FNBP4: variants seen among roughly 807,000 people sequenced by gnomAD.
FNBP4 encodes formin-binding protein 4.
Under a neutral mutation model 119.3 loss-of-function variants are expected in FNBP4, and 34 were observed. That is an observed-to-expected ratio of 0.28 (90% CI 0.22 to 0.38). The LOEUF (loss-of-function observed/expected upper bound fraction) is 0.38. Among genes scored for constraint, FNBP4 ranks in the 10% least tolerant of loss-of-function variants. The pLI, the probability that FNBP4 is intolerant of heterozygous loss-of-function variation, is 1.00. For synonymous variants in FNBP4, 462 were observed against 430.6 expected (o/e 1.07, Z -0.90); for missense variants, 1,112 against 1,228.9 (o/e 0.90, Z 1.42).
At chr11:47,754,971 A>G (rs1409287790) in intron 2 of FNBP4, among the ~76,000 whole-genome samples, 1 of 150,652 alleles carries the variant, frequency 6.6e-6, no homozygotes, top group African/African-American at 2.4e-5. Context: ...GTGAAACCCC[A>G]TCTCTATTAA....
rs1428150563 is a variant in FNBP4 at position 47,741,385 on chromosome 11, G to A, written c.1456+2568C>T. ...GTGTCTTGCTATATTGTCCAGGCTG[G>A]TCTTGACTCCTGGCCTCAAATGATC... On this transcript the variant is annotated intron_variant, in intron 8 of 16. Coordinates refer to ENST00000263773, the MANE Select transcript of FNBP4 (RefSeq NM_015308.5). 1.3e-5 allele frequency among the ~76,000 whole-genome samples: 2 copies of A among 151,762 alleles called. 1 individual carries two copies. Among genetic ancestry groups the A allele is most frequent in the African/African-American group, 4.9e-5 (2 of 41,130 alleles).
At position 47,732,044 on chromosome 11, in the gene FNBP4, A is replaced by C. The variant is rs2097568080; in HGVS notation, c.1821-483T>G. 1 of 991,872 alleles carries C rather than the reference A, an allele frequency of 1.0e-6. No individual in the cohort carries two copies. Among genetic ancestry groups the C allele is most frequent in the African/African-American group, 1.7e-5 (1 of 57,456 alleles). 61.4% of individuals were successfully genotyped at this position (991,872 alleles called of 1,614,324 possible). A position where few individuals can be genotyped will look rare whatever the true frequency, so the allele number is the denominator to read the frequency against. On this transcript the variant is annotated intron_variant, in intron 11 of 16. Coordinates refer to ENST00000263773, the MANE Select transcript of FNBP4 (RefSeq NM_015308.5). This position sits in a 1 kb window ranked among gnomAD's most constrained non-coding sequence, Gnocchi z 4.2. ...AGAGGATCTGGGAGCTGAAAAATAA[A>C]AGAGCAAAGATTTCAAATAACGAAA...
intron 12 of FNBP4, chr11:47,729,355 C>T (rs1318582950): frequency 2.0e-6 from 2 of 985,258 alleles, no homozygotes; most frequent in Non-Finnish European, 2.4e-6. Context: ...TGTTGGATAT[C>T]TTGAACCCAA....
At position 47,751,152 on chromosome 11, in the gene FNBP4, T is replaced by C; in HGVS notation, c.776A>G (p.Tyr259Cys). 2 of 1,614,192 alleles carry C rather than the reference T, an allele frequency of 1.2e-6. No homozygotes were observed. Among genetic ancestry groups the C allele is most frequent in the Non-Finnish European group, 8.5e-7 (1 of 1,180,046 alleles). Residue 259 changes from tyrosine to cysteine, a missense_variant, in exon 5 of 17, where the codon TAC (tyrosine) becomes TGC (cysteine). Physicochemically the swap from Tyr to Cys is radical, Grantham distance 194 (BLOSUM62 -2). Around this residue, in one of 2 missense-constraint regions of FNBP4, gnomAD observed 826 missense variants for 988.8 expected, o/e 0.84. Transcript: ENST00000263773. ...LATQVQGLQHYQPSSVPGAET... is the reference protein window; with the variant it reads ...LATQVQGLQHCQPSSVPGAET... ...TTAAATTTATTCTTACCTGGGCTGG[T>C]AATGCTGTAATCCCTGTACCTGTGT...
intron 8 of FNBP4, among the ~76,000 whole-genome samples, chr11:47,742,477 CAAAAAAAAAA>C (rs568784009): frequency 0.023 from 555 of 23,742 alleles, 11 homozygotes; most frequent in African/African-American, 0.082. Flanking sequence ...GACTCCGTCT[CAAAAAAAAAA>C]AAAAAAAAAA....
At chr11:47,744,681 T>A (rs1265196456) in intron 7 of FNBP4, among the ~76,000 whole-genome samples, 1 of 152,218 alleles carries the variant, frequency 6.6e-6, no homozygotes. Context: ...AATAAGCACA[T>A]CATGGAGAAT....
At chr11:47,723,487 G>A (rs963054744) in intron 14 of FNBP4, among the ~76,000 whole-genome samples, 171 bp from the exon 15 acceptor site, 1 of 152,144 alleles carries the variant, frequency 6.6e-6, no homozygotes, top group Non-Finnish European at 1.5e-5. Flanking sequence ...TGAATACCTT[G>A]GCATTAAACT....
rs529382383 is a variant in FNBP4 at position 47,724,917 on chromosome 11, T to C, written c.2009-139A>G. The C allele has an allele frequency of 4.5e-5, 58 of 1,277,226 alleles. 1 individual carries two copies. The Middle Eastern group carries it at 1.4e-3, about 31-fold the overall frequency. The allele number at this position is 1,277,226 out of a possible 1,614,324, so 79.1% of individuals were successfully genotyped here. ...GTACAAAACAATACAGAATGTGGTG[T>C]CAAACAGCAGGGAATGGCTCCTTCC... On this transcript the variant is annotated intron_variant, in intron 12 of 16. Coordinates refer to ENST00000263773, the MANE Select transcript of FNBP4 (RefSeq NM_015308.5).
intron 2 of FNBP4, among the ~76,000 whole-genome samples, chr11:47,758,503 C>A (rs909420604): frequency 2.6e-5 from 4 of 152,050 alleles, no homozygotes; most frequent in African/African-American, 7.2e-5. Context: ...CGTCTGACCA[C>A]AAAATATAGG....
chr11:47,744,337 G>C (rs979187906), intron 7 of FNBP4, among the ~76,000 whole-genome samples, 174 bp from the exon 8 acceptor site: 3 of 151,876 alleles, frequency 2.0e-5, no homozygotes, highest in Non-Finnish European at 4.4e-5. Flanking sequence ...GCAGTGGCAT[G>C]ATCATGGCTC....
chr11:47,724,913 G>A (rs1177472024), intron 12 of FNBP4, 135 bp from the exon 13 acceptor site: 1 of 1,288,184 alleles, frequency 7.8e-7, no homozygotes, highest in Non-Finnish European at 1.0e-6. Flanking sequence ...TACAGAATGT[G>A]GTGTCAAACA....
At chr11:47,718,905 G>GTTTTTTGTTTTT (rs753039918) in intron 16 of FNBP4, among the ~76,000 whole-genome samples, 41 of 130,344 alleles carry the variant, frequency 3.1e-4, no homozygotes, top group African/African-American at 1.1e-3. Flanking sequence ...CACCCAACAT[G>GTTTTTTGTTTTT]TTTTTTTTTT....
At chr11:47,734,347 A>AT (rs1211350030) in intron 9 of FNBP4, among the ~76,000 whole-genome samples, 1 of 152,228 alleles carries the variant, frequency 6.6e-6, no homozygotes, top group African/African-American at 2.4e-5. Flanking sequence ...AATCAAATGC[A>AT]TATCTACATA....
chr11:47,720,569 A>AAAGT (rs142290756), intron 15 of FNBP4, among the ~76,000 whole-genome samples: 17 of 149,084 alleles, frequency 1.1e-4, no homozygotes, highest in African/African-American at 4.2e-4. Context: ...CCGTCTCAAA[A>AAAGT]AAATAAATAA....
chr11:47,750,773 C>A, intron 6 of FNBP4, 143 bp downstream of exon 6: 1 of 638,146 alleles, frequency 1.6e-6, no homozygotes. Context: ...CTACATAATA[C>A]ACAGAAACAA....
At position 47,738,847 on chromosome 11, in the gene FNBP4, A is replaced by ATTTTTTTTT. The variant is rs71045510; in HGVS notation, c.1457-2116_1457-2108dup. ...AGGTGTTTGCCACCATGCCCAGGTAATTTTTTTTTTTTTTTTTTTTTTTTT... is the reference window on the plus strand; with the variant it reads ...AGGTGTTTGCCACCATGCCCAGGTAATTTTTTTTTTTTTTTTTTTTTTTTTTTTTTTTTT... On this transcript the variant is annotated intron_variant, in intron 8 of 16. Coordinates refer to ENST00000263773, the MANE Select transcript of FNBP4 (RefSeq NM_015308.5). 2.9e-3 allele frequency among the ~76,000 whole-genome samples: 327 copies of ATTTTTTTTT among 110,906 alleles called. 43 individuals carry two copies. Among genetic ancestry groups the ATTTTTTTTT allele is most frequent in the East Asian group, 0.023 (80 of 3,522 alleles). 72.8% of individuals were successfully genotyped at this position (110,906 alleles called of 152,430 possible).
At chr11:47,765,394 G>GAAAAGAAAAGAAAAC in intron 1 of FNBP4, 32 bp from the exon 2 acceptor site, 1 of 1,339,440 alleles carries the variant, frequency 7.5e-7, no homozygotes. Context: ...GAAAAGAAAA[G>GAAAAGAAAAGAAAAC]AAAAGAAAAG....
chr11:47,742,477 CAAAAAAAAAAAAAAA>C (rs568784009), intron 8 of FNBP4, among the ~76,000 whole-genome samples: 2 of 23,750 alleles, frequency 8.4e-5, no homozygotes, highest in Non-Finnish European at 1.5e-4. Context: ...GACTCCGTCT[CAAAAAAAAAAAAAAA>C]AAAAAAAAAA....
rs1401279662 is a variant in FNBP4 at position 47,767,167 on chromosome 11, G to A, written c.122C>T (p.Ser41Leu). 6.4e-7 allele frequency: 1 copy of A among 1,552,962 alleles called. No individual in the cohort carries two copies. The highest frequency in any genetic ancestry group is 8.7e-7 in the Non-Finnish European group (1 of 1,154,412). Residue 41 changes from serine to leucine, a missense_variant, in exon 1 of 17, where the codon TCA (serine) becomes TTA (leucine). Physicochemically the swap from Ser to Leu is moderately radical, Grantham distance 145. This residue lies in a region of FNBP4 where 286 missense variants were observed against 240.1 expected (regional missense o/e 1.19). Transcript: ENST00000263773. ...GGGCTGGCTGGGGACCGCCGCGGTTGAGTCCGGCTCAGTGTCGGGTTCCGG... is the reference window on the plus strand; with the variant it reads ...GGGCTGGCTGGGGACCGCCGCGGTTAAGTCCGGCTCAGTGTCGGGTTCCGG... ...PEPEPDTEPD[S>L]TAAVPSQPAP...
Sources: allele counts gnomAD v4.1 joint callset (sites outside exome capture counted in the v4.1 genomes callset), GRCh38; gene constraint gnomAD v4.1.1; regional missense constraint gnomAD v4.1.1; non-coding constraint Gnocchi (gnomAD v3.1); transcripts MANE v1.5; gene names NCBI Gene and HGNC (gene_info 2026-07-23, HGNC 2026-07-21).